Variants in NPHS2 observed in about 807,000 individuals in gnomAD.
NPHS2 encodes the protein NPHS2 stomatin family member, podocin.
NPHS2 carries 36 observed loss-of-function variants against 37.1 expected under a neutral mutation model. The ratio of observed to expected loss-of-function variants is 0.97; its 90% CI spans 0.74 to 1.28. The LOEUF is 1.28. NPHS2 is among the 50% of genes most tolerant of loss of function. NPHS2 has a pLI of 0.00. For missense variants in NPHS2, 447 were observed against 488.1 expected (o/e 0.92, Z 0.79); for synonymous variants, 196 against 189.3 (o/e 1.04, Z -0.29).
chr1:179,568,179 G>A (rs1674410515), intron 1 of NPHS2, among the ~76,000 whole-genome samples: 1 of 152,106 alleles, frequency 6.6e-6, no homozygotes, highest in Non-Finnish European at 1.5e-5. Flanking sequence ...AATTCATCTG[G>A]TCCTGGACTT....
chr1:179,566,533 T>TA, intron 1 of NPHS2, among the ~76,000 whole-genome samples: 1 of 152,386 alleles, frequency 6.6e-6, no homozygotes, highest in South Asian at 2.1e-4. Context: ...ACTCTGCTGA[T>TA]AGTTTCTTTT....
intron 5 of NPHS2, among the ~76,000 whole-genome samples, chr1:179,555,537 A>T (rs1038342606): frequency 6.6e-6 from 1 of 152,248 alleles, no homozygotes; most frequent in Non-Finnish European, 1.5e-5. Context: ...GACAAACAGT[A>T]AGCATAGTGC....
Position 179,575,580 on chromosome 1 carries a change from T to C in NPHS2, c.274+11A>G. The C allele has an allele frequency of 6.2e-7, 1 of 1,600,532 alleles. No individual in the cohort carries two copies. The highest frequency in any genetic ancestry group is 2.2e-5 in the East Asian group (1 of 44,840). ...CTGGAAAAGTAGCAGATAGTGGTGC[T>C]GAATCCGTACCTTCCTCGGGCCGCT... On this transcript the variant is annotated intron_variant, in intron 1 of 7. Transcript: ENST00000367615.
At chr1:179,575,531 T>C in intron 1 of NPHS2, 60 bp downstream of exon 1, 1 of 1,595,114 alleles carries the variant, frequency 6.3e-7, no homozygotes, top group Non-Finnish European at 8.5e-7. Context: ...CTTTCCACCT[T>C]ATCTGACGCC....
intron 1 of NPHS2, among the ~76,000 whole-genome samples, chr1:179,569,033 T>A (rs1674441896): frequency 6.6e-6 from 1 of 152,188 alleles, no homozygotes; most frequent in African/African-American, 2.4e-5. Context: ...TTCTGTTGAT[T>A]TGGGGTGGAG....
At chr1:179,570,358 T>C (rs1553315976) in intron 1 of NPHS2, among the ~76,000 whole-genome samples, 3 of 152,226 alleles carry the variant, frequency 2.0e-5, no homozygotes, top group Non-Finnish European at 4.4e-5. Context: ...AGCCAGTCAT[T>C]AGCATTGTTT....
chr1:179,561,470 A>G (rs756800878), intron 2 of NPHS2, 109 bp from the exon 3 acceptor site: 2 of 803,788 alleles, frequency 2.5e-6, no homozygotes, highest in Non-Finnish European at 2.1e-6. Flanking sequence ...TTTGAGAACC[A>G]GGAAAAAATT....
In NPHS2 at chr1:179,550,918, A is replaced by G. The variant is rs1177938273; in HGVS notation, c.*255T>C. On this transcript the variant is annotated 3_prime_UTR_variant, in exon 8 of 8. Coordinates refer to ENST00000367615, the MANE Select transcript of NPHS2 (RefSeq NM_014625.4). ...CACATCTAGACTCAAAATTCTTTCC[A>G]AAGTAGAATGTTGACCAAAGCTGTT... is the stretch of plus-strand genomic sequence containing the variant. 2 of 523,108 alleles carry G rather than the reference A, an allele frequency of 3.8e-6. No homozygotes were observed. The highest frequency in any genetic ancestry group is 3.5e-5 in the East Asian group (1 of 28,520). The allele number at this position is 523,108 out of a possible 1,614,324, so 32.4% of individuals were successfully genotyped here.
intron 1 of NPHS2, among the ~76,000 whole-genome samples, chr1:179,566,209 C>T (rs1674328676): frequency 6.6e-6 from 1 of 152,272 alleles, no homozygotes. Context: ...TCCTATTTCT[C>T]CACATCCTCT....
intron 2 of NPHS2, among the ~76,000 whole-genome samples, chr1:179,561,950 T>C (rs1025327046): frequency 2.7e-4 from 41 of 151,994 alleles, no homozygotes; most frequent in African/African-American, 9.7e-4. Context: ...GTATTACAGG[T>C]GTAAGCCACC....
At chr1:179,568,694 A>G (rs1020662262) in intron 1 of NPHS2, among the ~76,000 whole-genome samples, 8 of 152,228 alleles carry the variant, frequency 5.3e-5, no homozygotes, top group Admixed American at 2.0e-4. Context: ...ATTTAGTGCT[A>G]TAAATTTTCC....
chr1:179,564,837 C>G, intron 1 of NPHS2, 44 bp from the exon 2 acceptor site: 4 of 1,443,640 alleles, frequency 2.8e-6, no homozygotes, highest in African/African-American at 1.4e-5. Context: ...TGAAACTTCA[C>G]TGTATTCACT....
intron 6 of NPHS2, among the ~76,000 whole-genome samples, chr1:179,553,872 A>G (rs1165703413): frequency 2.7e-5 from 4 of 150,186 alleles, no homozygotes; most frequent in African/African-American, 9.8e-5. Context: ...CAGCCTCCTG[A>G]GTAGCTGGGA....
At chr1:179,571,607 T>C (rs1674562431) in intron 1 of NPHS2, among the ~76,000 whole-genome samples, 1 of 152,246 alleles carries the variant, frequency 6.6e-6, no homozygotes, top group South Asian at 2.1e-4. Context: ...TTCAGAGCTG[T>C]CAGACAGGGA....
chr1:179,569,326 G>T (rs1008874892), intron 1 of NPHS2, among the ~76,000 whole-genome samples: 2 of 16,448 alleles, frequency 1.2e-4, no homozygotes, highest in Non-Finnish European at 3.2e-4. Flanking sequence ...TGTCCCTTCT[G>T]ATCTTAAAGT....
chr1:179,565,010 C>T (rs1226331229), intron 1 of NPHS2, among the ~76,000 whole-genome samples: 1 of 152,092 alleles, frequency 6.6e-6, no homozygotes, highest in Non-Finnish European at 1.5e-5. Flanking sequence ...GTGGCTCACG[C>T]CTGTCATCCC....
chr1:179,560,302 G>A (rs1291896859), intron 3 of NPHS2, among the ~76,000 whole-genome samples: 1 of 152,136 alleles, frequency 6.6e-6, no homozygotes, highest in Admixed American at 6.5e-5. Flanking sequence ...ATAATATATA[G>A]GATCAATGTG....
At chr1:179,571,009 A>T (rs189980942) in intron 1 of NPHS2, among the ~76,000 whole-genome samples, 9 of 152,260 alleles carry the variant, frequency 5.9e-5, no homozygotes, top group Admixed American at 3.3e-4. Flanking sequence ...GGGTTCGAAC[A>T]TCCTCCTTTA....
rs200042397 is a variant in NPHS2, at chr1:179,552,616, T to C, written c.860A>G (p.Gln287Arg). 86 of 1,613,708 alleles carry C rather than the reference T, an allele frequency of 5.3e-5. No homozygotes were observed. The East Asian group carries it at 1.7e-3, about 33-fold the overall frequency. Residue 287 changes from glutamine to arginine, a missense_variant, in exon 7 of 8, where the codon CAA becomes CGA. By Grantham distance (43) the Gln-to-Arg change is conservative. Transcript: ENST00000367615. The stretch of plus-strand genomic sequence containing the variant: ...TGGAGTGCTCACCCGCACTTTGGCT[T>C]GTCTTTGCGCTTCAGCCTCCACAGC... Reference protein sequence around the residue: ...SLAVEAEAQRQAKVRMIAAEA... With the variant: ...SLAVEAEAQRRAKVRMIAAEA...
Sources: gnomAD v4.1 joint callset for allele counts (sites outside exome capture counted in the v4.1 genomes callset) on GRCh38, gnomAD v4.1.1 for gene constraint, MANE v1.5 for transcripts, NCBI Gene and HGNC (gene_info 2026-07-23, HGNC 2026-07-21) for gene names.